PIAS2: variants seen among roughly 807,000 people sequenced by gnomAD.
The protein encoded by PIAS2 is E3 SUMO-protein ligase PIAS2.
In PIAS2, 19 loss-of-function variants were observed where a neutral mutation model predicts 69.7. The ratio of observed to expected loss-of-function variants is 0.27; its 90% confidence interval spans 0.19 to 0.40. The LOEUF (loss-of-function observed/expected upper bound fraction) is 0.40. PIAS2 is among the 10% of genes least tolerant of loss of function. PIAS2 has a pLI of 1.00. For synonymous variants in PIAS2, 261 were observed against 263.2 expected, an observed-to-expected ratio of 0.99 and a Z score of 0.08; for missense variants, 624 against 757.0, an observed-to-expected ratio of 0.82 and a Z score of 2.06.
intron 2 of PIAS2, among the ~76,000 whole-genome samples, chr18:46,883,057 C>T (rs1460220800): frequency 6.6e-6 from 1 of 150,406 alleles, no homozygotes; most frequent in African/African-American, 2.5e-5. Flanking sequence ...AAGATCACAC[C>T]ACTGCACTGC....
At chr18:46,855,755 T>C in intron 3 of PIAS2, 140 bp from the exon 4 acceptor site, 5 of 671,442 alleles carry the variant, frequency 7.4e-6, no homozygotes, top group Non-Finnish European at 1.3e-5. Flanking sequence ...ACCAATAATA[T>C]AAGCCTTAAT....
intron 1 of PIAS2, among the ~76,000 whole-genome samples, chr18:46,895,611 C>A (rs2054730166): frequency 6.6e-6 from 1 of 152,088 alleles, no homozygotes; most frequent in Non-Finnish European, 1.5e-5. Context: ...GTGGTGGTTG[C>A]GGTGAGCGGA....
Position 46,809,932 on chromosome 18 carries a change from A to G in PIAS2, c.*2501T>C, listed in dbSNP as rs2040893255. ...CTGGGCTAGCAAAATAAACTACTAG[A>G]AAGTCAGGGTCTGGATAAGAAACAG... is the stretch of plus-strand genomic sequence containing the variant. On this transcript the variant is annotated 3_prime_UTR_variant, in exon 14 of 14. Coordinates refer to ENST00000585916, the MANE Select transcript of PIAS2 (RefSeq NM_004671.5). 6.6e-6 allele frequency: 1 copy of G among 152,138 alleles called. No individual in the cohort carries two copies. The highest frequency in any genetic ancestry group is 2.4e-5 in the African/African-American group (1 of 41,424). The allele number at this position is 152,138 out of a possible 1,614,324, so 9.4% of individuals were successfully genotyped here. A position where few individuals can be genotyped will look rare whatever the true frequency, so the allele number is the denominator to read the frequency against.
At chr18:46,891,090 C>A (rs752531462) in intron 1 of PIAS2, 36 bp from the exon 2 acceptor site, 2 of 1,401,626 alleles carry the variant, frequency 1.4e-6, no homozygotes, top group Non-Finnish European at 9.8e-7. Context: ...AGCCAAGTCA[C>A]CCTCAAGCAT....
At chr18:46,823,300 C>G (rs2042394390) in intron 11 of PIAS2, among the ~76,000 whole-genome samples, 1 of 151,824 alleles carries the variant, frequency 6.6e-6, no homozygotes, top group Admixed American at 6.6e-5. Context: ...AAAAGACTTT[C>G]TGGTACAAGA....
chr18:46,818,139 A>AT lies in PIAS2; in HGVS notation c.1649-2791dup, dbSNP rs373522634. The AT allele has an allele frequency of 1.9e-4, 213 of 1,092,648 alleles. No individual in the cohort carries two copies. The African/African-American group carries it at 2.8e-3, about 14-fold the overall frequency. The allele number at this position is 1,092,648 out of a possible 1,614,324, so 67.7% of individuals were successfully genotyped here. On this transcript the variant is annotated intron_variant, in intron 12 of 13. Coordinates refer to ENST00000585916, the MANE Select transcript of PIAS2 (RefSeq NM_004671.5). ...CTTCACTGTGAAATTGACTCATTAG[A>AT]TTTTTTCTCATTGATGACAACACAT... is the stretch of plus-strand genomic sequence containing the variant.
intron 1 of PIAS2, chr18:46,917,108 G>C (rs2058043899): frequency 1.0e-6 from 1 of 990,592 alleles, no homozygotes; most frequent in Non-Finnish European, 1.2e-6. Context: ...GGCTCGCCGC[G>C]GCCCAGGCCC....
intron 2 of PIAS2, 104 bp downstream of exon 2, chr18:46,890,476 G>T: frequency 2.8e-6 from 2 of 712,522 alleles, no homozygotes; most frequent in Non-Finnish European, 4.6e-6. Context: ...CGGCATTGAT[G>T]CCTCAATTTC....
intron 13 of PIAS2, 128 bp downstream of exon 13, chr18:46,815,184 A>T: frequency 1.4e-6 from 1 of 723,736 alleles, no homozygotes; most frequent in Non-Finnish European, 2.4e-6. Context: ...TTTGCACAGT[A>T]CTTCCTTTCC....
At chr18:46,846,642 A>C in intron 6 of PIAS2, 65 bp downstream of exon 6, 2 of 1,461,156 alleles carry the variant, frequency 1.4e-6, no homozygotes, top group Non-Finnish European at 1.8e-6. Context: ...CAGCTTAAGA[A>C]AAAACACAGA....
intron 9 of PIAS2, among the ~76,000 whole-genome samples, chr18:46,835,207 A>C (rs1056649507): frequency 2.0e-5 from 3 of 152,226 alleles, no homozygotes; most frequent in Non-Finnish European, 2.9e-5. Context: ...ACACACCAAA[A>C]ATGTGTATAT....
In PIAS2 at chr18:46,839,621, T is replaced by C. The variant is rs547630735; in HGVS notation, c.1042-3104A>G. On this transcript the variant is annotated intron_variant, in intron 8 of 13. Transcript: ENST00000585916. ...GCCAGGCACGGTGGCTCCCAGCACT[T>C]TGGGAGGCCGAGGAGGGTGGATCAC... 5.2e-3 allele frequency among the ~76,000 whole-genome samples: 790 copies of C among 152,012 alleles called. 7 individuals are homozygous for C. Among genetic ancestry groups the C allele is most frequent in the African/African-American group, 0.018 (748 of 41,432 alleles).
chr18:46,859,427 C>CAAAAAAAAAAAA (rs55776913), intron 3 of PIAS2, among the ~76,000 whole-genome samples: 10 of 89,566 alleles, frequency 1.1e-4, no homozygotes, highest in African/African-American at 3.0e-4. Flanking sequence ...GACTCCGTCT[C>CAAAAAAAAAAAA]AAAAAAAAAA....
At chr18:46,860,085 C>G (rs895515254) in intron 3 of PIAS2, among the ~76,000 whole-genome samples, 3 of 152,220 alleles carry the variant, frequency 2.0e-5, no homozygotes, top group Non-Finnish European at 4.4e-5. Flanking sequence ...CTAGATCTTA[C>G]TACCACTACA....
intron 1 of PIAS2, among the ~76,000 whole-genome samples, chr18:46,905,485 G>A (rs1356775561): frequency 2.0e-5 from 3 of 151,734 alleles, no homozygotes; most frequent in Non-Finnish European, 4.4e-5. Context: ...GAAAAGAAGA[G>A]CAAAAATTAA....
At chr18:46,918,448 G>A (rs1052208195), upstream of PIAS2, among the ~76,000 whole-genome samples, 11 of 151,770 alleles carry the variant, frequency 7.2e-5, no homozygotes, top group African/African-American at 2.7e-4. Context: ...CCCTGCCCCC[G>A]CACCCCGCAA....
intron 3 of PIAS2, among the ~76,000 whole-genome samples, chr18:46,863,706 TA>T (rs2049006091): frequency 6.6e-6 from 1 of 152,246 alleles, no homozygotes; most frequent in African/African-American, 2.4e-5. Context: ...CAGTATTTAC[TA>T]AATATTTGGC....
rs1185257295 is a variant in PIAS2 at position 46,855,394 on chromosome 18, T to C, written c.677A>G (p.Tyr226Cys). 1 of 1,613,078 alleles carries C rather than the reference T, an allele frequency of 6.2e-7. No individual in the cohort carries two copies. Among genetic ancestry groups the C allele is most frequent in the African/African-American group, 1.3e-5 (1 of 74,994 alleles). ...TACTTTTATACATAGACTATTTGGA[T>C]AGTTATCTTCTTGAGGGCAACTTGT... is the stretch of plus-strand genomic sequence containing the variant. ...AETSCPQEDN[Y>C]PNSLCIKVNG... is the part of the protein sequence containing the mutation. The change falls in exon 5 of 14, where the codon TAT becomes TGT. Residue 226 changes from tyrosine to cysteine, a missense_variant. By Grantham distance (194) the Tyr-to-Cys change is radical. Coordinates refer to ENST00000585916, the MANE Select transcript of PIAS2 (RefSeq NM_004671.5).
chr18:46,859,704 A>T (rs2048381219), intron 3 of PIAS2, among the ~76,000 whole-genome samples: 1 of 152,204 alleles, frequency 6.6e-6, no homozygotes, highest in Non-Finnish European at 1.5e-5. Context: ...AACAAAAGAT[A>T]AGCAGGTTTG....
Sources: gnomAD v4.1 joint callset for allele counts (sites outside exome capture counted in the v4.1 genomes callset) on GRCh38, gnomAD v4.1.1 for gene constraint, MANE v1.5 for transcripts, NCBI Gene and HGNC (gene_info 2026-07-23, HGNC 2026-07-21) for gene names.